The following TASP1 variants were observed in gnomAD, a reference collection of about 807,000 sequenced individuals.
TASP1 encodes taspase 1, also known as threonine aspartase 1.
A neutral mutation model predicts 56.6 loss-of-function variants in TASP1; 16 were observed. That is an observed-to-expected ratio of 0.28 (90% CI 0.19 to 0.43). TASP1 has a LOEUF of 0.43. Ranked by LOEUF, TASP1 falls within the 20% of genes least tolerant of loss-of-function variation. The pLI, the probability that TASP1 is intolerant of heterozygous loss-of-function variation, is 1.00. For synonymous variants in TASP1, 179 were observed against 184.2 expected (o/e 0.97, Z 0.23); for missense variants, 393 against 511.6 (o/e 0.77, Z 2.24).
chr20:13,622,671 C>T (rs1318564181), intron 4 of TASP1, among the ~76,000 whole-genome samples: 2 of 152,142 alleles, frequency 1.3e-5, no homozygotes, highest in East Asian at 1.9e-4. Flanking sequence ...CTGGAAATGT[C>T]GACTTTATCA....
chr20:13,117,737 C>T, the TASP1 span: 159 of 1,599,970 alleles, frequency 9.9e-5, no homozygotes, highest in Non-Finnish European at 1.3e-4. Flanking sequence ...TAAGAGAGGG[C>T]CTGCTTGTGT....
chr20:13,393,579 A>G, intron 13 of TASP1: 2 of 921,498 alleles, frequency 2.2e-6, no homozygotes. Context: ...TGCCCTCAAC[A>G]ACCACCTTGT....
At chr20:13,634,693 G>C (rs2049227965) in intron 1 of TASP1, among the ~76,000 whole-genome samples, 1 of 146,072 alleles carries the variant, frequency 6.8e-6, no homozygotes, top group African/African-American at 2.6e-5. Context: ...TTGCGCCACT[G>C]CACCTCAGCC....
intron 2 of TASP1, among the ~76,000 whole-genome samples, chr20:13,629,492 G>A (rs2049012228): frequency 6.7e-6 from 1 of 150,334 alleles, no homozygotes; most frequent in African/African-American, 2.4e-5. Context: ...ATTTTATTGA[G>A]ATGGTGTCTC....
the TASP1 span, among the ~76,000 whole-genome samples, chr20:13,160,388 T>C: frequency 1.3e-5 from 2 of 152,204 alleles, no homozygotes. Context: ...ACTGACTGAG[T>C]AGCCAAATGT....
intron 1 of TASP1, among the ~76,000 whole-genome samples, chr20:13,632,904 C>T (rs2049150918): frequency 6.6e-6 from 1 of 152,068 alleles, no homozygotes; most frequent in African/African-American, 2.4e-5. Flanking sequence ...CTTAACCAGA[C>T]AAAAAATTCT....
intron 5 of TASP1, among the ~76,000 whole-genome samples, chr20:13,583,429 T>A (rs2047193421): frequency 6.6e-6 from 1 of 152,254 alleles, no homozygotes; most frequent in Admixed American, 6.5e-5. Flanking sequence ...GGGTATTCTC[T>A]CTCTGCCCTA....
the TASP1 span, among the ~76,000 whole-genome samples, chr20:13,213,475 C>A: frequency 6.6e-6 from 1 of 152,124 alleles, no homozygotes; most frequent in East Asian, 1.9e-4. Context: ...TTGATTGCAG[C>A]AGACAAAATT....
the TASP1 span, among the ~76,000 whole-genome samples, chr20:13,134,372 T>A: frequency 1.3e-5 from 2 of 152,220 alleles, no homozygotes; most frequent in Non-Finnish European, 1.5e-5. Flanking sequence ...CAGGCATGTC[T>A]AATTTTACTC....
the TASP1 span, among the ~76,000 whole-genome samples, chr20:13,352,837 A>G: frequency 6.6e-6 from 1 of 152,184 alleles, no homozygotes; most frequent in Non-Finnish European, 1.5e-5. Context: ...CACTCTCTAT[A>G]TCTACAGAGG....
chr20:13,132,492 C>G, the TASP1 span, among the ~76,000 whole-genome samples: 1 of 152,034 alleles, frequency 6.6e-6, no homozygotes, highest in African/African-American at 2.4e-5. Context: ...ATCTTTACAG[C>G]ATTTATGAAT....
chr20:13,167,218 G>A, the TASP1 span: 1 of 152,106 alleles, frequency 6.6e-6, no homozygotes, highest in African/African-American at 2.4e-5. Flanking sequence ...TTAAGAAAAA[G>A]CTCTCAAATG....
At chr20:13,490,972 A>G (rs2043506419) in intron 10 of TASP1, among the ~76,000 whole-genome samples, 1 of 152,198 alleles carries the variant, frequency 6.6e-6, no homozygotes, top group Non-Finnish European at 1.5e-5. Flanking sequence ...AAAATTTTCT[A>G]CTACTTTGCT....
chr20:13,562,542 G>A (rs1158830770), intron 7 of TASP1, among the ~76,000 whole-genome samples: 1 of 151,958 alleles, frequency 6.6e-6, no homozygotes, highest in Non-Finnish European at 1.5e-5. Context: ...ACTATAATCA[G>A]AAATCAAAGT....
At chr20:13,465,990 G>A (rs1360463847) in intron 11 of TASP1, among the ~76,000 whole-genome samples, 1 of 152,036 alleles carries the variant, frequency 6.6e-6, no homozygotes, top group Non-Finnish European at 1.5e-5. Context: ...ATACACACAT[G>A]CACACACACA....
chr20:13,177,959 A>T, the TASP1 span, among the ~76,000 whole-genome samples: 1 of 152,316 alleles, frequency 6.6e-6, no homozygotes, highest in Non-Finnish European at 1.5e-5. Flanking sequence ...CAACAGAGTG[A>T]GAGGACAACC....
At chr20:13,169,153 G>A in the TASP1 span, 1 of 152,182 alleles carries the variant, frequency 6.6e-6, no homozygotes, top group Non-Finnish European at 1.5e-5. Context: ...AAAAGACTGA[G>A]GTAGAGATTT....
chr20:13,355,670 A>T, the TASP1 span, among the ~76,000 whole-genome samples: 6 of 152,294 alleles, frequency 3.9e-5, no homozygotes, highest in African/African-American at 1.4e-4. Context: ...CTGGCTGCAA[A>T]TTATGTGTAA....
chr20:13,175,711 G>T, the TASP1 span, among the ~76,000 whole-genome samples: 9 of 152,294 alleles, frequency 5.9e-5, no homozygotes, highest in East Asian at 1.9e-4. Flanking sequence ...TTCTGTGCTG[G>T]TAATATCCAT....
Sources: gnomAD v4.1 joint callset for allele counts (sites outside exome capture counted in the v4.1 genomes callset) on GRCh38, gnomAD v4.1.1 for gene constraint, MANE v1.5 for transcripts, NCBI Gene and HGNC (gene_info 2026-07-23, HGNC 2026-07-21) for gene names.